TRDN: variants seen among roughly 807,000 people sequenced by gnomAD.
The protein encoded by TRDN is triadin, also known as triadin in skeletal muscle.
In TRDN, 161 loss-of-function variants were observed where a neutral mutation model predicts 149.7. The ratio of observed to expected loss-of-function variants is 1.08; its 90% confidence interval spans 0.95 to 1.23. The LOEUF (loss-of-function observed/expected upper bound fraction) is 1.23. Among genes scored for constraint, TRDN ranks in the 50% most tolerant of loss-of-function variants. The probability of loss-of-function intolerance (pLI) is 0.00; values close to 1 mark genes in which losing one functional copy is unlikely to be tolerated. For missense variants in TRDN, 896 were observed against 823.5 expected, an observed-to-expected ratio of 1.09 and a Z score of -1.08; for synonymous variants, 294 against 250.5, an observed-to-expected ratio of 1.17 and a Z score of -1.64.
chr6:123,457,644 C>G (rs540311415), intron 10 of TRDN: 4 of 417,058 alleles, frequency 9.6e-6, no homozygotes, highest in Non-Finnish European at 1.9e-5. Context: ...TAATACTTAC[C>G]TACTTTTCCA....
chr6:123,453,309 G>A (rs1257055638), intron 10 of TRDN, among the ~76,000 whole-genome samples: 1 of 152,116 alleles, frequency 6.6e-6, no homozygotes, highest in Non-Finnish European at 1.5e-5. Context: ...AGTTGGCAGA[G>A]TAAACAGACA....
At chr6:123,336,269 C>T (rs1779863612) in intron 22 of TRDN, among the ~76,000 whole-genome samples, 1 of 152,032 alleles carries the variant, frequency 6.6e-6, no homozygotes, top group African/African-American at 2.4e-5. Context: ...TTGACTCTTA[C>T]CTTTCCCTAT....
chr6:123,509,092 T>C (rs1259135478), intron 7 of TRDN, among the ~76,000 whole-genome samples: 4 of 152,106 alleles, frequency 2.6e-5, no homozygotes, highest in African/African-American at 4.8e-5. Flanking sequence ...TGCATACATA[T>C]ATACACACAT....
intron 24 of TRDN, among the ~76,000 whole-genome samples, chr6:123,306,350 A>G (rs1256303726): frequency 2.0e-5 from 3 of 152,148 alleles, no homozygotes; most frequent in Admixed American, 1.3e-4. Context: ...TGAAGGGATA[A>G]TTAAGCCTAA....
chr6:123,359,682 G>A (rs915368266), intron 20 of TRDN, among the ~76,000 whole-genome samples: 5 of 151,818 alleles, frequency 3.3e-5, no homozygotes, highest in African/African-American at 4.8e-5. Flanking sequence ...TGAATGTGAA[G>A]GGGATTTGTT....
intron 32 of TRDN, 26 bp from the exon 33 acceptor site, chr6:123,265,364 G>C (rs924260980): frequency 2.2e-6 from 3 of 1,365,072 alleles, no homozygotes; most frequent in East Asian, 2.7e-5. Flanking sequence ...GAAAAAAAAA[G>C]AAAATGAGTG....
intron 1 of TRDN, among the ~76,000 whole-genome samples, chr6:123,572,901 A>T (rs774840492): frequency 6.6e-6 from 1 of 152,126 alleles, no homozygotes; most frequent in Non-Finnish European, 1.5e-5. Flanking sequence ...AATTTCTTTA[A>T]CATTTTTCAC....
chr6:123,255,345 A>G (rs1344567566), intron 36 of TRDN, among the ~76,000 whole-genome samples: 1 of 152,138 alleles, frequency 6.6e-6, no homozygotes, highest in Non-Finnish European at 1.5e-5. Flanking sequence ...TAGGAACAAA[A>G]TTAACTAGAA....
Position 123,544,593 on chromosome 6 carries a change from CACA to C in TRDN, c.424+2744_424+2746del, listed in dbSNP as rs541176738. Among the ~76,000 whole-genome samples, 18 of 152,060 alleles carry C rather than the reference CACA, an allele frequency of 1.2e-4. No homozygotes were observed. The South Asian group carries it at 3.7e-3, about 31-fold the overall frequency. On this transcript the variant is annotated intron_variant, in intron 4 of 40. Coordinates refer to ENST00000334268, the MANE Select transcript of TRDN (RefSeq NM_006073.4). ...CAGATGTGCAAAGTATACCACTATA[CACA>C]ACAAATAATTTTTTCCGAAAATGTG...
intron 10 of TRDN, among the ~76,000 whole-genome samples, chr6:123,455,406 C>CTGTGTG (rs71751722): frequency 0.012 from 1,758 of 145,676 alleles, 28 homozygotes; most frequent in African/African-American, 0.033. Context: ...AAGGCAACCA[C>CTGTGTG]TGTGTGTGTG....
At chr6:123,616,280 A>G (rs897662656) in intron 1 of TRDN, among the ~76,000 whole-genome samples, 1 of 152,048 alleles carries the variant, frequency 6.6e-6, no homozygotes, top group Non-Finnish European at 1.5e-5. Context: ...GCAGTGAGCT[A>G]TGATCATGCC....
intron 8 of TRDN, among the ~76,000 whole-genome samples, chr6:123,499,719 A>AAATAT: frequency 2.1e-5 from 1 of 47,684 alleles, no homozygotes; most frequent in East Asian, 5.2e-4. Context: ...AAAAAAAAAA[A>AAATAT]ATATATATAT....
intron 6 of TRDN, among the ~76,000 whole-genome samples, chr6:123,514,826 C>T (rs1378530530): frequency 6.6e-6 from 1 of 151,820 alleles, no homozygotes; most frequent in Non-Finnish European, 1.5e-5. Flanking sequence ...CAAACTAACA[C>T]AGGAACAGAA....
At chr6:123,446,466 C>G (rs1775367417) in intron 10 of TRDN, among the ~76,000 whole-genome samples, 1 of 151,330 alleles carries the variant, frequency 6.6e-6, no homozygotes, top group Non-Finnish European at 1.5e-5. Context: ...GCACCTGTAG[C>G]CCCAGCTGCT....
At chr6:123,517,732 A>C (rs541042181) in intron 5 of TRDN, among the ~76,000 whole-genome samples, 10 of 151,918 alleles carry the variant, frequency 6.6e-5, no homozygotes, top group Admixed American at 3.9e-4. Flanking sequence ...TACCACACCC[A>C]CATTCATTCG....
At chr6:123,465,116 C>A in intron 9 of TRDN, 133 bp from the exon 10 acceptor site, 1 of 970,990 alleles carries the variant, frequency 1.0e-6, no homozygotes. Context: ...TATTATTATG[C>A]AAAAAAGAAA....
intron 1 of TRDN, chr6:123,584,089 T>A (rs1783284199): frequency 6.6e-6 from 1 of 151,952 alleles, no homozygotes; most frequent in African/African-American, 2.4e-5. Flanking sequence ...AAGAAGGAAA[T>A]ATGGGGAAAT....
intron 21 of TRDN, among the ~76,000 whole-genome samples, chr6:123,347,753 T>A (rs575537869): frequency 6.6e-6 from 1 of 152,020 alleles, no homozygotes; most frequent in Non-Finnish European, 1.5e-5. Flanking sequence ...ATATTAGAGA[T>A]GGAAGGTCCT....
chr6:123,422,339 C>T (rs995925768), intron 12 of TRDN, among the ~76,000 whole-genome samples: 2 of 152,022 alleles, frequency 1.3e-5, no homozygotes, highest in African/African-American at 4.8e-5. Context: ...TGGGGTTCAG[C>T]ATTTAATGAC....
Sources: allele counts gnomAD v4.1 joint callset (sites outside exome capture counted in the v4.1 genomes callset), GRCh38; gene constraint gnomAD v4.1.1; transcripts MANE v1.5; gene names NCBI Gene and HGNC (gene_info 2026-07-23, HGNC 2026-07-21).